SLC4A10: variants seen among roughly 807,000 people sequenced by gnomAD.
SLC4A10 encodes the protein solute carrier family 4 member 10.
A neutral mutation model predicts 137.7 loss-of-function variants in SLC4A10; 42 were observed. That is an observed-to-expected ratio of 0.30 (90% CI 0.24 to 0.39). The LOEUF is 0.39. SLC4A10 is among the 10% of genes least tolerant of loss of function. The probability of loss-of-function intolerance (pLI) is 1.00; values close to 1 mark genes in which losing one functional copy is unlikely to be tolerated. For missense variants in SLC4A10, 925 were observed against 1,355.0 expected (o/e 0.68, Z 4.98); for synonymous variants, 474 against 464.1 (o/e 1.02, Z -0.27).
At position 161,786,953 on chromosome 2, in the gene SLC4A10, T is replaced by C. The variant is rs375743664; in HGVS notation, c.130+15899T>C. On this transcript the variant is annotated intron_variant, in intron 2 of 26. Coordinates refer to ENST00000446997, the MANE Select transcript of SLC4A10 (RefSeq NM_001178015.2). ...CAGTCTCAGTGGTGTAATTGCTTTA[T>C]AGGATCTTTGAATTTTGTACTTATA... Among the ~76,000 whole-genome samples the C allele has an allele frequency of 1.2e-4, 18 of 152,128 alleles. No individual in the cohort carries two copies. In the East Asian group the frequency reaches 2.1e-3, roughly 18 times the overall value.
chr2:161,880,005 A>T (rs937678094), intron 9 of SLC4A10, among the ~76,000 whole-genome samples: 3 of 152,012 alleles, frequency 2.0e-5, no homozygotes, highest in East Asian at 1.9e-4. Flanking sequence ...AGAAAAAGAT[A>T]AAAAAAAGAA....
At chr2:161,953,157 C>T (rs1303900422) in intron 19 of SLC4A10, among the ~76,000 whole-genome samples, 1 of 152,206 alleles carries the variant, frequency 6.6e-6, no homozygotes, top group African/African-American at 2.4e-5. Flanking sequence ...GACTCCACAT[C>T]ATGTATCTAA....
At chr2:161,777,999 C>A (rs943129812) in intron 2 of SLC4A10, among the ~76,000 whole-genome samples, 1 of 151,968 alleles carries the variant, frequency 6.6e-6, no homozygotes, top group African/African-American at 2.4e-5. Flanking sequence ...GGATGAATTT[C>A]TTTTCCAAAT....
In SLC4A10 at chr2:161,705,290, A is replaced by T. The variant is rs116424252; in HGVS notation, c.49-65683A>T. ...AGGAATTTTGACCTTGGCCCTACTA[A>T]TAACTGACCTTGGGTATGTCACTTA... On this transcript the variant is annotated intron_variant, in intron 1 of 26. Coordinates refer to ENST00000446997, the MANE Select transcript of SLC4A10 (RefSeq NM_001178015.2). Among the ~76,000 whole-genome samples the T allele has an allele frequency of 9.6e-3, 1,461 of 151,670 alleles. 25 individuals carry two copies. The highest frequency in any genetic ancestry group is 0.033 in the African/African-American group (1,385 of 41,500).
chr2:161,717,527 T>C (rs922750395), intron 1 of SLC4A10, among the ~76,000 whole-genome samples: 2 of 152,192 alleles, frequency 1.3e-5, no homozygotes, highest in African/African-American at 4.8e-5. Flanking sequence ...TCAAAGTCCT[T>C]CTTCTGCATC....
intron 3 of SLC4A10, among the ~76,000 whole-genome samples, chr2:161,838,311 T>C (rs1165125893): frequency 6.6e-6 from 1 of 151,938 alleles, no homozygotes; most frequent in Non-Finnish European, 1.5e-5. Flanking sequence ...TTAAACCTCA[T>C]ATCTTATACC....
intron 1 of SLC4A10, among the ~76,000 whole-genome samples, chr2:161,731,152 G>A (rs1448153721): frequency 6.6e-6 from 1 of 152,114 alleles, no homozygotes; most frequent in Non-Finnish European, 1.5e-5. Flanking sequence ...TATTCTGAGA[G>A]TAAATGTGAA....
At chr2:161,795,415 AG>A (rs1362013429) in intron 2 of SLC4A10, among the ~76,000 whole-genome samples, 2 of 152,142 alleles carry the variant, frequency 1.3e-5, no homozygotes, top group Non-Finnish European at 2.9e-5. Context: ...ACATGTAAAA[AG>A]CTGTACATAT....
chr2:161,684,540 G>T (rs559447383), intron 1 of SLC4A10, among the ~76,000 whole-genome samples: 1 of 152,136 alleles, frequency 6.6e-6, no homozygotes, highest in Non-Finnish European at 1.5e-5. Flanking sequence ...GAAAATATTT[G>T]TCTGGGGATA....
chr2:161,661,536 C>T (rs750731026), intron 1 of SLC4A10, among the ~76,000 whole-genome samples: 2 of 152,194 alleles, frequency 1.3e-5, no homozygotes, highest in African/African-American at 4.8e-5. Flanking sequence ...GGAAGTCTTT[C>T]TTTTGATTAG....
rs71424717 is a variant in SLC4A10 at position 161,795,755 on chromosome 2, C to A, written c.131-8694C>A. On this transcript the variant is annotated intron_variant, in intron 2 of 26. Transcript: ENST00000446997. ...GGGGAAAATAGTCCATAGATTGCAG[C>A]GATTTTGTGAAGATTAAATGAGAAA... 1.7e-3 allele frequency among the ~76,000 whole-genome samples: 259 copies of A among 151,890 alleles called. 3 individuals carry two copies. The highest frequency in any genetic ancestry group is 1.2e-3 in the Admixed American group (18 of 15,242).
intron 19 of SLC4A10, among the ~76,000 whole-genome samples, chr2:161,952,160 G>C (rs1694912836): frequency 6.6e-6 from 1 of 152,088 alleles, no homozygotes. Flanking sequence ...ATGGATTCAG[G>C]CAGCATTTTT....
At chr2:161,667,641 G>A (rs2039210171) in intron 1 of SLC4A10, among the ~76,000 whole-genome samples, 1 of 151,610 alleles carries the variant, frequency 6.6e-6, no homozygotes. Flanking sequence ...ATGAGTTGTA[G>A]CAGTTACTTT....
At chr2:161,889,382 G>A (rs1313902714) in intron 10 of SLC4A10, among the ~76,000 whole-genome samples, 2 of 152,212 alleles carry the variant, frequency 1.3e-5, no homozygotes, top group South Asian at 2.1e-4. Flanking sequence ...TGTACCTCTG[G>A]TAGAATTCGG....
intron 15 of SLC4A10, among the ~76,000 whole-genome samples, chr2:161,915,057 A>T (rs1210576483): frequency 6.6e-6 from 1 of 152,084 alleles, no homozygotes; most frequent in African/African-American, 2.4e-5. Context: ...AAACTACCTA[A>T]GGCCCACCCA....
intron 3 of SLC4A10, among the ~76,000 whole-genome samples, chr2:161,832,051 T>C (rs2058467966): frequency 6.6e-6 from 1 of 152,180 alleles, no homozygotes; most frequent in South Asian, 2.1e-4. Context: ...TTTATCTTTA[T>C]ACAGTAAAGA....
At chr2:161,919,904 C>T (rs1394595395) in intron 15 of SLC4A10, among the ~76,000 whole-genome samples, 1 of 152,200 alleles carries the variant, frequency 6.6e-6, no homozygotes, top group Non-Finnish European at 1.5e-5. Context: ...CTTTGGGGCT[C>T]TGCAGTTCCT....
At chr2:161,754,294 G>T (rs1460833752) in intron 1 of SLC4A10, among the ~76,000 whole-genome samples, 3 of 152,102 alleles carry the variant, frequency 2.0e-5, no homozygotes, top group African/African-American at 7.2e-5. Context: ...CCCATAAACA[G>T]ATTTAGATTC....
intron 3 of SLC4A10, among the ~76,000 whole-genome samples, chr2:161,826,509 A>G (rs982741090): frequency 3.3e-5 from 5 of 152,200 alleles, no homozygotes; most frequent in Non-Finnish European, 7.4e-5. Flanking sequence ...GAAAGTGTCT[A>G]AAAAATAGAG....
Sources: gnomAD v4.1 joint callset for allele counts (sites outside exome capture counted in the v4.1 genomes callset) on GRCh38, gnomAD v4.1.1 for gene constraint, MANE v1.5 for transcripts, NCBI Gene and HGNC (gene_info 2026-07-23, HGNC 2026-07-21) for gene names.